The following SHROOM4 variants were observed in gnomAD, a reference collection of about 807,000 sequenced individuals.
SHROOM4 encodes shroom family member 4.
A neutral mutation model predicts 80.3 loss-of-function variants in SHROOM4; 17 were observed. The observed-to-expected ratio is 0.21, with a 90% CI of 0.14 to 0.32. The LOEUF is 0.32. SHROOM4 is among the 10% of genes least tolerant of loss of function. SHROOM4 has a pLI of 1.00. For synonymous variants in SHROOM4, 400 were observed against 437.5 expected, an observed-to-expected ratio of 0.91 and a Z score of 1.07; for missense variants, 993 against 1,140.3, an observed-to-expected ratio of 0.87 and a Z score of 1.86.
rs368692430 is a variant in SHROOM4 at position 50,638,244 on chromosome X, C to G, written c.334G>C (p.Glu112Gln). 12 of 1,209,433 alleles carry G rather than the reference C, an allele frequency of 9.9e-6. No individual in the cohort carries two copies. Among genetic ancestry groups the G allele is most frequent in the African/African-American group, 7.0e-5 (4 of 57,296 alleles). The change falls in exon 3 of 9, where the codon GAA becomes CAA. Residue 112 changes from glutamate to glutamine, a missense_variant. Coordinates refer to ENST00000376020, the MANE Select transcript of SHROOM4 (RefSeq NM_020717.5). ...GGGAAATGCATGGTGGTGGCTGCTT[C>G]AGGGCATCCCTCCAGCAGCTTGGCC... ...HVAKLLEGCP[E>Q]AATTMHFPSE...
intron 1 of SHROOM4, among the ~76,000 whole-genome samples, chrX:50,806,483 G>T (rs1389610083): frequency 8.9e-6 from 1 of 112,047 alleles, no homozygotes; most frequent in African/African-American, 3.2e-5. Flanking sequence ...ACTGGATAGG[G>T]CAAAGAGGTA....
chrX:50,635,102 C>T lies in SHROOM4; in HGVS notation c.971G>A (p.Arg324Lys). 8.3e-7 allele frequency: 1 copy of T among 1,211,965 alleles called. No individual in the cohort carries two copies. The highest frequency in any genetic ancestry group is 1.1e-6 in the Non-Finnish European group (1 of 895,524). ...EPVLPARNPN[R>K]FCCLSGHDQV... ...GTCATGCCCACTGAGGCAACAGAAC[C>T]TATTAGGGTTCCTTGCGGGTAGCAC... Residue 324 changes from arginine (R) to lysine (K), a missense_variant, in exon 4 of 9, where the codon AGG becomes AAG. By Grantham distance (26) the Arg-to-Lys change is conservative. Transcript: ENST00000376020.
intron 5 of SHROOM4, among the ~76,000 whole-genome samples, chrX:50,608,651 T>C (rs1929810775): frequency 1.8e-5 from 2 of 112,385 alleles, no homozygotes; most frequent in South Asian, 7.5e-4. Context: ...CTGGTTATCC[T>C]GCCTCATCTG....
At chrX:50,601,946 A>C in intron 7 of SHROOM4, among the ~76,000 whole-genome samples, 1 of 111,745 alleles carries the variant, frequency 8.9e-6, no homozygotes, top group Non-Finnish European at 1.9e-5. Flanking sequence ...GAGAGACAGC[A>C]TGTACTGTAC....
At chrX:50,653,476 TG>T (rs782428412) in intron 2 of SHROOM4, among the ~76,000 whole-genome samples, 40 of 111,895 alleles carry the variant, frequency 3.6e-4, no homozygotes, top group South Asian at 7.5e-4. Context: ...CTGAGATGAT[TG>T]GGTTTTCTAA....
In SHROOM4 at chrX:50,765,175, C is replaced by T. The variant is rs190234872; in HGVS notation, c.117+48727G>A. ...GGACACAGCCAGACCATATCACAAT[C>T]CATTTTTAGATTTGCAGATGAGTTG... On this transcript the variant is annotated intron_variant, in intron 1 of 8. Transcript: ENST00000376020. Among the ~76,000 whole-genome samples the T allele has an allele frequency of 3.8e-3, 429 of 111,880 alleles. 2 individuals carry two copies. Among genetic ancestry groups the T allele is most frequent in the African/African-American group, 0.013 (395 of 30,765 alleles).
chrX:50,808,700 GTC>G (rs1254456421), intron 1 of SHROOM4, among the ~76,000 whole-genome samples: 38 of 110,131 alleles, frequency 3.5e-4, no homozygotes, highest in Non-Finnish European at 6.2e-4. Context: ...TCAAGTCTGA[GTC>G]TCTCTTTTTT....
At chrX:50,770,009 G>A (rs978931263) in intron 1 of SHROOM4, among the ~76,000 whole-genome samples, 5 of 110,504 alleles carry the variant, frequency 4.5e-5, no homozygotes, top group Admixed American at 1.9e-4. Context: ...TACTTCCAGA[G>A]TCAGTGTAAG....
intron 1 of SHROOM4, among the ~76,000 whole-genome samples, chrX:50,717,628 G>C (rs1933998246): frequency 9.0e-6 from 1 of 111,399 alleles, no homozygotes; most frequent in Non-Finnish European, 1.9e-5. Context: ...TGGCAGTGCT[G>C]GGACAGAAGG....
intron 2 of SHROOM4, among the ~76,000 whole-genome samples, chrX:50,664,570 T>C (rs1438793816): frequency 1.8e-5 from 2 of 111,552 alleles, no homozygotes; most frequent in African/African-American, 6.5e-5. Context: ...CAGAAATGAA[T>C]TGTTGTTTGA....
chrX:50,690,884 T>C (rs1470564924), intron 2 of SHROOM4, among the ~76,000 whole-genome samples: 1 of 112,411 alleles, frequency 8.9e-6, no homozygotes, highest in African/African-American at 3.2e-5. Context: ...GGAGAATTGC[T>C]TGAACCCAGG....
intron 2 of SHROOM4, among the ~76,000 whole-genome samples, chrX:50,669,034 A>G (rs782500634): frequency 8.9e-6 from 1 of 112,726 alleles, no homozygotes; most frequent in Admixed American, 9.3e-5. Context: ...ACAAACCTTG[A>G]TGAAAGAATA....
intron 1 of SHROOM4, among the ~76,000 whole-genome samples, chrX:50,797,081 A>T (rs1162572730): frequency 1.0e-5 from 1 of 99,933 alleles, no homozygotes; most frequent in Non-Finnish European, 2.0e-5. Context: ...AGAAACAGAG[A>T]AAAGAGTGCG....
At chrX:50,723,365 G>A (rs1488583280) in intron 1 of SHROOM4, among the ~76,000 whole-genome samples, 37 of 42,538 alleles carry the variant, frequency 8.7e-4, no homozygotes, top group Non-Finnish European at 1.6e-3. Flanking sequence ...AGGGAAGGAA[G>A]GAGGGAGGGA....
At chrX:50,735,391 C>T (rs1199535673) in intron 1 of SHROOM4, among the ~76,000 whole-genome samples, 1 of 111,373 alleles carries the variant, frequency 9.0e-6, no homozygotes, top group Non-Finnish European at 1.9e-5. Context: ...GCAGGTAAAC[C>T]TTAATGACTT....
rs782121058 is a variant in SHROOM4, at chrX:50,646,780, C to T, written c.270-8472G>A. ...AAATCTGCTGGGTCCCCCTCTCCAC[C>T]CTCCACCTCAGAATCCATCCCTGGC... On this transcript the variant is annotated intron_variant, in intron 2 of 8. Transcript: ENST00000376020. Among the ~76,000 whole-genome samples, 96 of 109,429 alleles carry T rather than the reference C, an allele frequency of 8.8e-4. 2 individuals are homozygous for T. The highest frequency in any genetic ancestry group is 3.2e-3 in the African/African-American group (95 of 30,031).
chrX:50,765,775 A>G (rs1935262119), intron 1 of SHROOM4, among the ~76,000 whole-genome samples: 1 of 111,818 alleles, frequency 8.9e-6, no homozygotes, highest in Non-Finnish European at 1.9e-5. Context: ...TGGCCGAGAA[A>G]TCTATGCTGA....
chrX:50,793,683 C>T (rs1045356534), intron 1 of SHROOM4, among the ~76,000 whole-genome samples: 3 of 106,254 alleles, frequency 2.8e-5, no homozygotes, highest in East Asian at 2.9e-4. Flanking sequence ...GAATGCTGCA[C>T]GCTAATGTAT....
At chrX:50,579,512 G>T in the SHROOM4 span, among the ~76,000 whole-genome samples, 4 of 112,042 alleles carry the variant, frequency 3.6e-5, no homozygotes, top group African/African-American at 1.3e-4. Context: ...TATGGGGAAT[G>T]AAAAAATTAA....
Sources: allele counts gnomAD v4.1 joint callset (sites outside exome capture counted in the v4.1 genomes callset), GRCh38; gene constraint gnomAD v4.1.1; transcripts MANE v1.5; gene names NCBI Gene and HGNC (gene_info 2026-07-23, HGNC 2026-07-21).